Variants in IPCEF1 observed in about 807,000 individuals in gnomAD.
IPCEF1 encodes the protein interaction protein for cytohesin exchange factors 1, also known as interactor protein for cytohesin exchange factors 1.
IPCEF1 carries 31 observed loss-of-function variants against 50.9 expected under a neutral mutation model. The observed-to-expected ratio is 0.61, with a 90% CI of 0.46 to 0.82. The LOEUF (loss-of-function observed/expected upper bound fraction) is 0.82. Among genes scored for constraint, IPCEF1 ranks in the 40% least tolerant of loss-of-function variants. The pLI, the probability that IPCEF1 is intolerant of heterozygous loss-of-function variation, is 0.00. For missense variants in IPCEF1, 458 were observed against 514.0 expected (o/e 0.89, Z 1.05); for synonymous variants, 181 against 192.0 (o/e 0.94, Z 0.47).
At chr6:154,351,254 G>T (rs1043993394) in intron 1 of IPCEF1, among the ~76,000 whole-genome samples, 3 of 152,200 alleles carry the variant, frequency 2.0e-5, no homozygotes, top group African/African-American at 7.2e-5. Flanking sequence ...ATTGGGTATT[G>T]TTATGAAAGA....
rs1354577837 is a variant in IPCEF1 at position 154,159,216 on chromosome 6, G to C, written c.*612C>G. On this transcript the variant is annotated 3_prime_UTR_variant, in exon 12 of 12. Transcript: ENST00000367220. ...AAACACCAAGCTGTCCTTTGAATGA[G>C]TGGAATATGGAACACGCCTCCTCCT... 2.0e-5 allele frequency: 3 copies of C among 153,006 alleles called. No individual in the cohort carries two copies. Among genetic ancestry groups the C allele is most frequent in the African/African-American group, 7.2e-5 (3 of 41,460 alleles). 9.5% of individuals were successfully genotyped at this position (153,006 alleles called of 1,614,324 possible).
intron 1 of IPCEF1, among the ~76,000 whole-genome samples, chr6:154,350,781 C>T (rs1784107253): frequency 6.6e-6 from 1 of 152,180 alleles, no homozygotes; most frequent in African/African-American, 2.4e-5. Flanking sequence ...ACACCAGTGG[C>T]ACAATCATAG....
Position 154,246,714 on chromosome 6 carries a change from G to C in IPCEF1, c.123C>G (p.Gly41=). 1.2e-6 allele frequency: 2 copies of C among 1,613,948 alleles called. No homozygotes were observed. Among genetic ancestry groups the C allele is most frequent in the Non-Finnish European group, 1.7e-6 (2 of 1,179,956 alleles). The change falls in exon 5 of 12, where the codon GGC becomes GGG. Residue 41 remains glycine, a synonymous_variant. Coordinates refer to ENST00000367220, the MANE Select transcript of IPCEF1 (RefSeq NM_001130700.2). ...ACAGCCACCCTTGGCAGTCAGCATG[G>C]CCCAGATCTTTACACGATATCCTCC... is the stretch of plus-strand genomic sequence containing the variant. ...SRRRISCKDL[G]HADCQGWLYK... is the part of the protein sequence containing the mutation.
In IPCEF1 at chr6:154,259,372, G is replaced by A. The variant is rs547547246; in HGVS notation, c.36+6540C>T. Among the ~76,000 whole-genome samples the A allele has an allele frequency of 3.9e-5, 6 of 152,304 alleles. No individual in the cohort carries two copies. The South Asian group carries it at 6.2e-4, about 16-fold the overall frequency. ...GGAATCAAAGAAATATGAAATGCGC[G>A]CTGGGCATGGTGGCTCACGCCTGTA... On this transcript the variant is annotated intron_variant, in intron 3 of 11. Transcript: ENST00000367220.
At chr6:154,333,803 ATG>A (rs1048207645) in intron 1 of IPCEF1, among the ~76,000 whole-genome samples, 1 of 151,848 alleles carries the variant, frequency 6.6e-6, no homozygotes, top group Non-Finnish European at 1.5e-5. Flanking sequence ...ATGTATATAT[ATG>A]TGTGTGTGTA....
At chr6:154,321,769 G>A (rs1417930383) in intron 1 of IPCEF1, among the ~76,000 whole-genome samples, 1 of 106,050 alleles carries the variant, frequency 9.4e-6, no homozygotes, top group Non-Finnish European at 1.7e-5. Flanking sequence ...GACAGAGAGA[G>A]ACTCTTTCTA....
intron 5 of IPCEF1, among the ~76,000 whole-genome samples, chr6:154,246,020 A>G (rs1781008348): frequency 6.6e-6 from 1 of 152,324 alleles, no homozygotes; most frequent in East Asian, 1.9e-4. Context: ...ATGCCATCAC[A>G]GAGCACACCA....
At chr6:154,335,116 C>A (rs1584000940) in intron 1 of IPCEF1, among the ~76,000 whole-genome samples, 1 of 151,742 alleles carries the variant, frequency 6.6e-6, no homozygotes, top group South Asian at 2.1e-4. Context: ...AGTTTGAGAC[C>A]AGCCTGGGCA....
At position 154,168,757 on chromosome 6, in the gene IPCEF1, CA is replaced by C. The variant is rs1799636449; in HGVS notation, c.911-645del. On this transcript the variant is annotated intron_variant, in intron 10 of 11. Transcript: ENST00000367220. This position sits in a 1 kb window ranked among gnomAD's most constrained non-coding sequence, Gnocchi z 4.1. ...AGTAGCTGGGATTACAGGCACCTGC[CA>C]CCATGCCCGGCTCATTTTTATATTT... Among the ~76,000 whole-genome samples the C allele has an allele frequency of 6.6e-6, 1 of 151,996 alleles. No homozygotes were observed. Among genetic ancestry groups the C allele is most frequent in the Non-Finnish European group, 1.5e-5 (1 of 67,994 alleles).
intron 1 of IPCEF1, among the ~76,000 whole-genome samples, chr6:154,302,617 G>A (rs571944852): frequency 3.3e-4 from 51 of 152,256 alleles, no homozygotes; most frequent in Admixed American, 7.2e-4. Flanking sequence ...TGGGACTATA[G>A]ACATGTGCCA....
chr6:154,194,981 A>C (rs1776467467), intron 10 of IPCEF1, among the ~76,000 whole-genome samples: 1 of 152,102 alleles, frequency 6.6e-6, no homozygotes, highest in Admixed American at 6.5e-5. Context: ...GGCCAAGATC[A>C]GTCTTCACCC....
At chr6:154,337,340 G>A (rs978629830) in intron 1 of IPCEF1, among the ~76,000 whole-genome samples, 1 of 152,192 alleles carries the variant, frequency 6.6e-6, no homozygotes, top group Non-Finnish European at 1.5e-5. Context: ...GACACTGAGT[G>A]TGAATTTAAG....
intron 1 of IPCEF1, among the ~76,000 whole-genome samples, chr6:154,323,218 C>T (rs1455780454): frequency 1.3e-5 from 2 of 152,016 alleles, no homozygotes; most frequent in African/African-American, 4.8e-5. Flanking sequence ...ACTAGAAGTG[C>T]TGAGGAATCC....
chr6:154,167,775 CT>C lies in IPCEF1; in HGVS notation c.1104+144del, dbSNP rs1184238029. The C allele has an allele frequency of 1.0e-5, 6 of 577,198 alleles. No homozygotes were observed. The African/African-American group carries it at 1.1e-4, about 11-fold the overall frequency. The allele number at this position is 577,198 out of a possible 1,614,324, so 35.8% of individuals were successfully genotyped here. On this transcript the variant is annotated intron_variant, in intron 11 of 11. Transcript: ENST00000367220. ...AGTGCTTTAAGAACGTCAAGATCAT[CT>C]TGCCCTATAAAGGTTATATTTACTT...
chr6:154,221,198 C>A, intron 7 of IPCEF1, 59 bp downstream of exon 7: 2 of 1,199,312 alleles, frequency 1.7e-6, no homozygotes, highest in Admixed American at 1.9e-5. Context: ...ATTCCAGTAC[C>A]AGGCTAAAGT....
chr6:154,282,408 C>T (rs1316895967), intron 2 of IPCEF1, among the ~76,000 whole-genome samples: 19 of 152,068 alleles, frequency 1.2e-4, no homozygotes, highest in East Asian at 1.9e-4. Context: ...TCAGGCAGGG[C>T]GCGGTGGCTC....
intron 10 of IPCEF1, among the ~76,000 whole-genome samples, chr6:154,193,177 C>T (rs1802087246): frequency 6.6e-6 from 1 of 152,122 alleles, no homozygotes. Flanking sequence ...CCATAGAATA[C>T]TACTCAGCCA....
At chr6:154,221,395 A>C in intron 6 of IPCEF1, 67 bp from the exon 7 acceptor site, 1 of 1,167,566 alleles carries the variant, frequency 8.6e-7, no homozygotes, top group Non-Finnish European at 1.3e-6. Flanking sequence ...GTCTGAAAGT[A>C]AATCAGTAAA....
chr6:154,223,308 T>A, intron 5 of IPCEF1, 65 bp from the exon 6 acceptor site: 2 of 1,214,228 alleles, frequency 1.6e-6, no homozygotes, highest in Non-Finnish European at 1.2e-6. Flanking sequence ...TGCATTGAGA[T>A]CATATACATG....
Sources: allele counts gnomAD v4.1 joint callset (sites outside exome capture counted in the v4.1 genomes callset), GRCh38; gene constraint gnomAD v4.1.1; non-coding constraint Gnocchi (gnomAD v3.1); transcripts MANE v1.5; gene names NCBI Gene and HGNC (gene_info 2026-07-23, HGNC 2026-07-21).